FOXO3: variants seen among roughly 807,000 people sequenced by gnomAD.
FOXO3 encodes the protein forkhead box protein O3.
A neutral mutation model predicts 41.9 loss-of-function variants in FOXO3; 4 were observed. The observed-to-expected ratio is 0.10, with a 90% CI of 0.05 to 0.22. The LOEUF (loss-of-function observed/expected upper bound fraction) is 0.22, where lower values mean the gene tolerates loss of function less well. Ranked by LOEUF, FOXO3 falls within the 10% of genes least tolerant of loss-of-function variation. FOXO3 has a pLI of 1.00. For synonymous variants in FOXO3, 318 were observed against 389.3 expected (o/e 0.82, Z 2.16); for missense variants, 534 against 906.8 (o/e 0.59, Z 5.28).
chr6:108,679,118 T>G (rs534846235), intron 2 of FOXO3, among the ~76,000 whole-genome samples: 123 of 151,910 alleles, frequency 8.1e-4, no homozygotes, highest in African/African-American at 2.7e-3. Context: ...TGATCTGCCC[T>G]CCTCAGCCTT....
At chr6:108,586,617 T>C (rs1439316718) in intron 1 of FOXO3, among the ~76,000 whole-genome samples, 1 of 152,112 alleles carries the variant, frequency 6.6e-6, no homozygotes, top group Non-Finnish European at 1.5e-5. Context: ...GAGGACCCTA[T>C]GGGAGGAAAC....
At chr6:108,590,738 A>G (rs1748899990) in intron 1 of FOXO3, among the ~76,000 whole-genome samples, 2 of 152,262 alleles carry the variant, frequency 1.3e-5, no homozygotes, top group Non-Finnish European at 2.9e-5. Flanking sequence ...GCCAAGAATT[A>G]GGAATGAAGA....
rs918789187 is a variant in FOXO3, at chr6:108,561,833, C to G, written c.621+4C>G. The stretch of plus-strand genomic sequence containing the variant: ...CAACAGCTCTGCCGGCTGGAAGGTG[C>G]GTACCCACCCCGGGCTGGCAGCAGG... On this transcript the variant is annotated splice_donor_region_variant and intron_variant, in intron 1 of 2. Transcript: ENST00000406360. 4.5e-6 allele frequency: 7 copies of G among 1,544,946 alleles called. No homozygotes were observed. The highest frequency in any genetic ancestry group is 6.1e-6 in the Non-Finnish European group (7 of 1,146,350).
chr6:108,620,114 T>C (rs912427800), intron 1 of FOXO3, among the ~76,000 whole-genome samples: 2 of 152,196 alleles, frequency 1.3e-5, no homozygotes, highest in African/African-American at 4.8e-5. Flanking sequence ...CCCAGACCAA[T>C]TTCTAACAGT....
chr6:108,630,793 A>G (rs1777949779), intron 1 of FOXO3, among the ~76,000 whole-genome samples: 1 of 152,136 alleles, frequency 6.6e-6, no homozygotes, highest in Non-Finnish European at 1.5e-5. Flanking sequence ...GGGAAGAAGG[A>G]AAAACTATAT....
At chr6:108,602,287 C>A (rs556922803) in intron 1 of FOXO3, among the ~76,000 whole-genome samples, 91 of 152,166 alleles carry the variant, frequency 6.0e-4, no homozygotes, top group African/African-American at 2.1e-3. Context: ...TAAACTCCTA[C>A]CATCAATGTA....
At chr6:108,583,543 ACC>A (rs1562233358) in intron 1 of FOXO3, among the ~76,000 whole-genome samples, 3 of 152,236 alleles carry the variant, frequency 2.0e-5, no homozygotes, top group Non-Finnish European at 4.4e-5. Context: ...TTGCAGTTTC[ACC>A]AGTCTTAATG....
chr6:108,570,468 A>G (rs1022236693), intron 1 of FOXO3, among the ~76,000 whole-genome samples: 4 of 152,018 alleles, frequency 2.6e-5, no homozygotes, highest in African/African-American at 9.7e-5. Flanking sequence ...TGGGACTACT[A>G]ATGAGCGCCA....
At chr6:108,579,674 G>C (rs1036391290) in intron 1 of FOXO3, among the ~76,000 whole-genome samples, 5 of 152,036 alleles carry the variant, frequency 3.3e-5, no homozygotes, top group African/African-American at 1.2e-4. Context: ...TGCATGTTCT[G>C]GGGGCAAGGA....
intron 1 of FOXO3, among the ~76,000 whole-genome samples, chr6:108,573,428 G>A (rs1470867805): frequency 1.3e-5 from 2 of 152,202 alleles, no homozygotes; most frequent in African/African-American, 4.8e-5. Context: ...CTCATCTTCA[G>A]AGTTGTGCTG....
intron 1 of FOXO3, among the ~76,000 whole-genome samples, chr6:108,639,097 T>C (rs1169984499): frequency 2.0e-5 from 3 of 152,152 alleles, no homozygotes; most frequent in African/African-American, 7.2e-5. Flanking sequence ...AGAGGAAAGA[T>C]AACCTCAGGA....
intron 1 of FOXO3, among the ~76,000 whole-genome samples, chr6:108,619,372 A>C (rs549085726): frequency 7.2e-5 from 11 of 152,384 alleles, no homozygotes; most frequent in Non-Finnish European, 1.5e-4. Flanking sequence ...TTCTTTAGTC[A>C]TCAAATAATA....
intron 1 of FOXO3, among the ~76,000 whole-genome samples, chr6:108,569,773 C>T (rs1159206990): frequency 1.3e-5 from 2 of 152,068 alleles, no homozygotes; most frequent in African/African-American, 4.8e-5. Context: ...GCATGTGGCA[C>T]ATGTGTAGGG....
At position 108,682,231 on chromosome 6, in the gene FOXO3, G is replaced by A. The variant is rs1770889439; in HGVS notation, c.*2439G>A. ...GTATCTCATTTATTCTCCTTTTCTA[G>A]CGTTTGTTGAATTTCAGGCAGAATG... On this transcript the variant is annotated 3_prime_UTR_variant, in exon 3 of 3. Transcript: ENST00000406360. 1 of 152,536 alleles carries A rather than the reference G, an allele frequency of 6.6e-6. No individual in the cohort carries two copies. The highest frequency in any genetic ancestry group is 2.1e-4 in the South Asian group (1 of 4,818). The allele number at this position is 152,536 out of a possible 1,614,324, so 9.4% of individuals were successfully genotyped here.
Position 108,664,008 on chromosome 6 carries a change from A to G in FOXO3, c.1175A>G (p.Asp392Gly). The G allele has an allele frequency of 6.2e-7, 1 of 1,614,136 alleles. No individual in the cohort carries two copies. The highest frequency in any genetic ancestry group is 8.5e-7 in the Non-Finnish European group (1 of 1,180,026). Residue 392 changes from aspartate to glycine, a missense_variant, in exon 2 of 3, where the codon GAT (aspartate) becomes GGT (glycine). Around this residue, in one of 8 missense-constraint regions of FOXO3, gnomAD observed 185 missense variants for 224.9 expected, o/e 0.82. Coordinates refer to ENST00000406360, the MANE Select transcript of FOXO3 (RefSeq NM_001455.4). ...GAAAACCTCATGGACGACCTGCTGG[A>G]TAACATCACGCTCCCGCCATCCCAG... ...LTENLMDDLL[D>G]NITLPPSQPS... is the part of the protein sequence containing the mutation.
In FOXO3 at chr6:108,566,502, A is replaced by G. The variant is rs184106714; in HGVS notation, c.621+4673A>G. On this transcript the variant is annotated intron_variant, in intron 1 of 2. Coordinates refer to ENST00000406360, the MANE Select transcript of FOXO3 (RefSeq NM_001455.4). ...ATTCAAAGATCTTCATGAAAATGCA[A>G]AGATAAGGCTGTTTAGGCTTGAGCC... 2.0e-4 allele frequency among the ~76,000 whole-genome samples: 30 copies of G among 152,326 alleles called. 1 individual carries two copies. Among genetic ancestry groups the G allele is most frequent in the African/African-American group, 7.2e-4 (30 of 41,580 alleles).
intron 2 of FOXO3, among the ~76,000 whole-genome samples, chr6:108,669,973 G>A (rs766184330): frequency 3.3e-5 from 5 of 152,164 alleles, no homozygotes; most frequent in Non-Finnish European, 7.3e-5. Context: ...TTATAACTTA[G>A]AGTGTTCATA....
chr6:108,670,433 G>A (rs1269629385), intron 2 of FOXO3, among the ~76,000 whole-genome samples: 1 of 151,200 alleles, frequency 6.6e-6, no homozygotes, highest in East Asian at 1.9e-4. Context: ...TTCTCAAAAT[G>A]TTTCTCGGAA....
chr6:108,647,171 A>G (rs751103841), intron 1 of FOXO3, among the ~76,000 whole-genome samples: 26 of 152,268 alleles, frequency 1.7e-4, no homozygotes, highest in Non-Finnish European at 3.1e-4. Context: ...TTACTATAGT[A>G]AGAATACCTC....
Sources: allele counts gnomAD v4.1 joint callset (sites outside exome capture counted in the v4.1 genomes callset), GRCh38; gene constraint gnomAD v4.1.1; regional missense constraint gnomAD v4.1.1; transcripts MANE v1.5; gene names NCBI Gene and HGNC (gene_info 2026-07-23, HGNC 2026-07-21).